The following CEP128 variants were observed in gnomAD, a reference collection of about 807,000 sequenced individuals.
CEP128 encodes centrosomal protein 128kDa.
In CEP128, 132 loss-of-function variants were observed where a neutral mutation model predicts 156.7. The observed-to-expected ratio is 0.84, with a 90% CI of 0.73 to 0.97. The LOEUF is 0.97. CEP128 is among the 50% of genes least tolerant of loss of function. The pLI is 0.00. For synonymous variants in CEP128, 469 were observed against 448.9 expected, an observed-to-expected ratio of 1.04 and a Z score of -0.57; for missense variants, 1,252 against 1,281.9, an observed-to-expected ratio of 0.98 and a Z score of 0.36.
chr14:80,568,773 T>C (rs527800454), intron 20 of CEP128, among the ~76,000 whole-genome samples: 1 of 152,254 alleles, frequency 6.6e-6, no homozygotes, highest in South Asian at 2.1e-4. Flanking sequence ...TGATTATCAT[T>C]GGTACACTCT....
chr14:80,567,854 CA>C (rs1213739292), intron 20 of CEP128, among the ~76,000 whole-genome samples: 1 of 151,614 alleles, frequency 6.6e-6, no homozygotes, highest in African/African-American at 2.4e-5. Flanking sequence ...ACTGTCCCCA[CA>C]AAGAGATGGA....
intron 19 of CEP128, among the ~76,000 whole-genome samples, chr14:80,608,899 T>C (rs755419231): frequency 6.2e-4 from 94 of 152,308 alleles, no homozygotes; most frequent in Non-Finnish European, 5.7e-4. Flanking sequence ...CCCTATTAAT[T>C]GAGAGCTCTT....
At chr14:80,557,031 T>G (rs1890465639) in intron 21 of CEP128, among the ~76,000 whole-genome samples, 1 of 152,186 alleles carries the variant, frequency 6.6e-6, no homozygotes, top group Non-Finnish European at 1.5e-5. Flanking sequence ...CATTTCAAAT[T>G]GAAACTATCA....
At chr14:80,906,544 A>C (rs761463179) in intron 4 of CEP128, among the ~76,000 whole-genome samples, 1 of 152,184 alleles carries the variant, frequency 6.6e-6, no homozygotes, top group Non-Finnish European at 1.5e-5. Context: ...AACAATGTAC[A>C]CTGTCCAACT....
intron 1 of CEP128, among the ~76,000 whole-genome samples, chr14:80,958,573 A>AG (rs987593775): frequency 4.6e-5 from 7 of 152,322 alleles, no homozygotes; most frequent in Admixed American, 2.6e-4. Context: ...AAAGGAAAGA[A>AG]GAAGGAAGGA....
rs12323895 is a variant in CEP128, at chr14:80,590,494, A to G, written c.2807-10071T>C. 6.7e-3 allele frequency among the ~76,000 whole-genome samples: 1,026 copies of G among 152,192 alleles called. 11 individuals carry two copies. The highest frequency in any genetic ancestry group is 0.024 in the African/African-American group (989 of 41,538). Reference sequence around the variant, plus strand: ...CAAAACTGACAACCCAGAATCCTATATCTAGTGAAAATACTGTTTAGGAAT... The same window carrying G: ...CAAAACTGACAACCCAGAATCCTATGTCTAGTGAAAATACTGTTTAGGAAT... On this transcript the variant is annotated intron_variant, in intron 19 of 24. Coordinates refer to ENST00000555265, the MANE Select transcript of CEP128 (RefSeq NM_152446.5).
At chr14:80,888,818 T>C (rs2139359345) in intron 8 of CEP128, among the ~76,000 whole-genome samples, 1 of 152,258 alleles carries the variant, frequency 6.6e-6, no homozygotes, top group Middle Eastern at 3.4e-3. Context: ...GGCATTCAAA[T>C]AGGAAGAGAG....
At chr14:80,876,012 CAAAA>C (rs1888262904) in intron 8 of CEP128, among the ~76,000 whole-genome samples, 1 of 151,490 alleles carries the variant, frequency 6.6e-6, no homozygotes, top group South Asian at 2.1e-4. Flanking sequence ...AGAAAATATT[CAAAA>C]GAAAGAAAGA....
intron 13 of CEP128, among the ~76,000 whole-genome samples, chr14:80,817,622 C>T (rs1249777889): frequency 1.3e-5 from 2 of 152,164 alleles, no homozygotes; most frequent in African/African-American, 4.8e-5. Context: ...GTGGCTCACA[C>T]CTGTAATCCC....
At chr14:80,632,550 T>A (rs965817933) in intron 19 of CEP128, among the ~76,000 whole-genome samples, 1 of 149,236 alleles carries the variant, frequency 6.7e-6, no homozygotes, top group Non-Finnish European at 1.5e-5. Flanking sequence ...CATCATACTA[T>A]ATATAATATA....
chr14:80,613,609 G>A (rs1020587224), intron 19 of CEP128, among the ~76,000 whole-genome samples: 7 of 151,750 alleles, frequency 4.6e-5, no homozygotes, highest in Admixed American at 1.3e-4. Flanking sequence ...GCGCCTGGCC[G>A]GAGAACATTT....
chr14:80,738,049 G>A (rs868461424), intron 19 of CEP128, among the ~76,000 whole-genome samples: 8 of 152,232 alleles, frequency 5.3e-5, no homozygotes, highest in South Asian at 4.1e-4. Context: ...CCTGTTTTGG[G>A]ACTAAAGGAC....
intron 9 of CEP128, among the ~76,000 whole-genome samples, chr14:80,861,110 G>A (rs1327561686): frequency 1.3e-5 from 2 of 151,870 alleles, no homozygotes; most frequent in African/African-American, 2.4e-5. Context: ...CTTTCTTACA[G>A]TAGGATTCTA....
chr14:80,649,639 G>A (rs1327334753), intron 19 of CEP128, among the ~76,000 whole-genome samples: 1 of 151,866 alleles, frequency 6.6e-6, no homozygotes, highest in Non-Finnish European at 1.5e-5. Context: ...CTTAGGAATG[G>A]GGTAAAAAAA....
chr14:80,527,018 A>G (rs1889005111), intron 22 of CEP128, 36 bp from the exon 23 acceptor site: 2 of 971,478 alleles, frequency 2.1e-6, no homozygotes, highest in African/African-American at 1.6e-5. Context: ...CTGAACTGGT[A>G]GATGAAAGAA....
At chr14:80,530,927 T>C (rs572548778) in intron 21 of CEP128, 41 bp from the exon 22 acceptor site, 3 of 1,323,816 alleles carry the variant, frequency 2.3e-6, no homozygotes, top group East Asian at 4.7e-5. Flanking sequence ...TTATAAAAAA[T>C]TGATTAATAC....
At chr14:80,566,372 A>T (rs904351666) in intron 20 of CEP128, among the ~76,000 whole-genome samples, 9 of 152,224 alleles carry the variant, frequency 5.9e-5, no homozygotes, top group African/African-American at 2.2e-4. Flanking sequence ...AAGAGCTAGA[A>T]GTCATTTTAT....
rs60977678 is a variant in CEP128 at position 80,883,801 on chromosome 14, A to T, written c.645+11917T>A. ...TCCTGAGCAAAAAGAACAAAACTGG[A>T]GGAACCACATCACCTGACTTCAAAT... On this transcript the variant is annotated intron_variant, in intron 8 of 24. Coordinates refer to ENST00000555265, the MANE Select transcript of CEP128 (RefSeq NM_152446.5). Among the ~76,000 whole-genome samples, 1,119 of 152,318 alleles carry T rather than the reference A, an allele frequency of 7.3e-3. 16 individuals are homozygous for T. The highest frequency in any genetic ancestry group is 0.025 in the African/African-American group (1,022 of 41,568).
intron 8 of CEP128, among the ~76,000 whole-genome samples, chr14:80,880,558 CAT>C (rs1164507938): frequency 6.6e-6 from 1 of 151,892 alleles, no homozygotes; most frequent in Non-Finnish European, 1.5e-5. Context: ...TGGTCCTACA[CAT>C]CAAAAACCCC....
Sources: gnomAD v4.1 joint callset for allele counts (sites outside exome capture counted in the v4.1 genomes callset) on GRCh38, gnomAD v4.1.1 for gene constraint, MANE v1.5 for transcripts, NCBI Gene and HGNC (gene_info 2026-07-23, HGNC 2026-07-21) for gene names.